ORM1: variants seen among roughly 807,000 people sequenced by gnomAD.
The protein encoded by ORM1 is orosomucoid 1, also known as alpha-1-acid glycoprotein 1.
Under a neutral mutation model 26.9 loss-of-function variants are expected in ORM1, and 13 were observed. The observed-to-expected ratio is 0.48, with a 90% confidence interval of 0.31 to 0.77. The LOEUF is 0.77. Ranked by LOEUF, ORM1 falls within the 30% of genes least tolerant of loss-of-function variation. The probability of loss-of-function intolerance (pLI) is 0.04; values close to 1 mark genes in which losing one functional copy is unlikely to be tolerated. For missense variants in ORM1, 189 were observed against 246.8 expected, an observed-to-expected ratio of 0.77 and a Z score of 1.57; for synonymous variants, 76 against 102.2, an observed-to-expected ratio of 0.74 and a Z score of 1.55.
At chr9:114,324,974 C>T (rs10982155) in intron 4 of ORM1, 75 bp from the exon 5 acceptor site, 108,195 of 1,578,722 alleles carry the variant, frequency 0.069, 165 homozygotes, top group Middle Eastern at 0.1. Flanking sequence ...GGGCTGGCCC[C>T]TAGAACCCCA....
At chr9:114,324,233 A>G (rs1829733203) in intron 3 of ORM1, 145 bp downstream of exon 3, 1 of 818,140 alleles carries the variant, frequency 1.2e-6, no homozygotes, top group Non-Finnish European at 2.0e-6. Context: ...GTGCTCAGAA[A>G]CAACTCTAAG....
chr9:114,324,959 C>G, intron 4 of ORM1, 62 bp downstream of exon 4: 1 of 1,589,636 alleles, frequency 6.3e-7, no homozygotes, highest in Non-Finnish European at 8.6e-7. Context: ...CATTCACCCA[C>G]CCCTGGGCTG....
At chr9:114,323,912 G>C in intron 2 of ORM1, 106 bp from the exon 3 acceptor site, 1 of 1,603,412 alleles carries the variant, frequency 6.2e-7, no homozygotes, top group Non-Finnish European at 8.5e-7. Context: ...GGAACCGGGA[G>C]GGCTGGCTTT....
chr9:114,324,969 G>A, intron 4 of ORM1, 72 bp downstream of exon 4: 1 of 1,588,708 alleles, frequency 6.3e-7, no homozygotes. Context: ...CCCCTGGGCT[G>A]GCCCCTAGAA....
rs1829770288 is a variant in ORM1, at chr9:114,326,381, C to T, written c.*24C>T. On this transcript the variant is annotated 3_prime_UTR_variant, in exon 6 of 6. Coordinates refer to ENST00000259396, the MANE Select transcript of ORM1 (RefSeq NM_000607.4). The stretch of plus-strand genomic sequence containing the variant: ...AGCAGGACACAGCCTTGGATCAGGA[C>T]AGAGACTTGGGGGCCATCCTGCCCC... 3.3e-6 allele frequency: 5 copies of T among 1,521,742 alleles called. No homozygotes were observed. Among genetic ancestry groups the T allele is most frequent in the Non-Finnish European group, 3.6e-6 (4 of 1,123,832 alleles). The allele number at this position is 1,521,742 out of a possible 1,614,324, so 94.3% of individuals were successfully genotyped here.
rs754187834 is a variant in ORM1 at position 114,324,866 on chromosome 9, C to T, written c.405C>T (p.Asn135=). 3.0e-5 allele frequency: 49 copies of T among 1,614,040 alleles called. No individual in the cohort carries two copies. The highest frequency in any genetic ancestry group is 1.8e-4 in the South Asian group (16 of 91,080). Residue 135 remains asparagine, a synonymous_variant, in exon 4 of 6, where the codon AAC becomes AAT. Transcript: ENST00000259396. ...TKTYMLAFDV[N]DEKNWGLSVY... is the part of the protein sequence containing the mutation. ...CCTACATGCTTGCTTTTGACGTGAACGATGAGAAGAACTGGGGGCTGTCTG... is the reference window on the plus strand; with the variant it reads ...CCTACATGCTTGCTTTTGACGTGAATGATGAGAAGAACTGGGGGCTGTCTG...
rs781558175 is a variant in ORM1, at chr9:114,324,062, G to A, written c.302G>A (p.Arg101Gln). ...IYNTTYLNVQRENGTISRYVG... is the reference protein window; with the variant it reads ...IYNTTYLNVQQENGTISRYVG... ...AACACCACCTACCTGAATGTCCAGC[G>A]GGAAAATGGGACCATCTCCAGATAC... is the stretch of plus-strand genomic sequence containing the variant. Residue 101 changes from arginine to glutamine, a missense_variant, in exon 3 of 6, where the codon CGG becomes CAG. By Grantham distance (43) the Arg-to-Gln change is conservative (BLOSUM62 1). Coordinates refer to ENST00000259396, the MANE Select transcript of ORM1 (RefSeq NM_000607.4). 6.2e-6 allele frequency: 10 copies of A among 1,613,900 alleles called. No individual in the cohort carries two copies. Among genetic ancestry groups the A allele is most frequent in the African/African-American group, 5.3e-5 (4 of 74,870 alleles).
In ORM1 at chr9:114,323,140, C is replaced by G. The variant is rs764087894; in HGVS notation, c.7C>G (p.Leu3Val). The change falls in exon 1 of 6, where the codon CTG becomes GTG. Residue 3 changes from leucine (L) to valine (V), a missense_variant. Transcript: ENST00000259396. The stretch of plus-strand genomic sequence containing the variant: ...CGTGCCTCCTGGTCTCAGTATGGCG[C>G]TGTCCTGGGTTCTTACAGTCCTGAG... The part of the protein sequence containing the change: MA[L>V]SWVLTVLSLL... 24 of 1,462,676 alleles carry G rather than the reference C, an allele frequency of 1.6e-5. No homozygotes were observed. The Admixed American group carries it at 3.1e-4, about 19-fold the overall frequency. 90.6% of individuals were successfully genotyped at this position (1,462,676 alleles called of 1,614,324 possible).
Position 114,324,887 on chromosome 9 carries a change from G to C in ORM1, c.426G>C (p.Leu142=). 1 of 1,613,986 alleles carries C rather than the reference G, an allele frequency of 6.2e-7. No homozygotes were observed. The highest frequency in any genetic ancestry group is 8.5e-7 in the Non-Finnish European group (1 of 1,179,844). The part of the protein sequence containing the change: ...FDVNDEKNWG[L]SVYADKPETT... ...TGAACGATGAGAAGAACTGGGGGCT[G>C]TCTGTCTATGGTAGGCATGCTTAGC... Residue 142 remains leucine, a synonymous_variant, in exon 4 of 6, where the codon CTG becomes CTC. Coordinates refer to ENST00000259396, the MANE Select transcript of ORM1 (RefSeq NM_000607.4).
At chr9:114,323,385 T>C in intron 1 of ORM1, 138 bp downstream of exon 1, 1 of 1,516,382 alleles carries the variant, frequency 6.6e-7, no homozygotes. Flanking sequence ...AGGGTGAAAT[T>C]CTCACCAGCC....
chr9:114,323,338 C>A lies in ORM1; in HGVS notation c.114+91C>A, dbSNP rs576319841. ...TTCCCTGCTGGCTGTGGTCGGACCC[C>A]CACTCCCGGCTCTGCCTTTTTCTCT... On this transcript the variant is annotated intron_variant, in intron 1 of 5. Coordinates refer to ENST00000259396, the MANE Select transcript of ORM1 (RefSeq NM_000607.4). 1.4e-5 allele frequency: 22 copies of A among 1,609,664 alleles called. No individual in the cohort carries two copies. The African/African-American group carries it at 2.7e-4, about 20-fold the overall frequency.
Position 114,325,125 on chromosome 9 carries a change from A to G in ORM1, c.513A>G (p.Ser171=), listed in dbSNP as rs1829750327. The G allele has an allele frequency of 1.2e-6, 2 of 1,613,916 alleles. No individual in the cohort carries two copies. The highest frequency in any genetic ancestry group is 2.7e-5 in the African/African-American group (2 of 74,936). The part of the protein sequence containing the change: ...EALDCLRIPK[S]DVVYTDWKKD... ...TCGACTGCTTGCGCATTCCCAAGTC[A>G]GATGTCGTGTACACCGATTGGAAAA... The change falls in exon 5 of 6, where the codon TCA becomes TCG. Residue 171 remains serine (S), a synonymous_variant. Coordinates refer to ENST00000259396, the MANE Select transcript of ORM1 (RefSeq NM_000607.4).
At chr9:114,324,429 G>A (rs1169820706) in intron 3 of ORM1, among the ~76,000 whole-genome samples, 1 of 152,174 alleles carries the variant, frequency 6.6e-6, no homozygotes, top group East Asian at 1.9e-4. Context: ...TTGGAGAGGT[G>A]GTACCTTCAA....
intron 3 of ORM1, 27 bp from the exon 4 acceptor site, chr9:114,324,763 C>T: frequency 6.4e-7 from 1 of 1,573,620 alleles, no homozygotes; most frequent in Non-Finnish European, 8.7e-7. Context: ...CCCATGTTCT[C>T]ACCCAGAGGC....
At chr9:114,323,918 G>C in intron 2 of ORM1, 100 bp from the exon 3 acceptor site, 1 of 1,602,118 alleles carries the variant, frequency 6.2e-7, no homozygotes, top group Non-Finnish European at 8.5e-7. Context: ...GGGAGGGCTG[G>C]CTTTAATCTC....
Position 114,324,821 on chromosome 9 carries a change from G to A in ORM1, c.360G>A (p.Leu120=), listed in dbSNP as rs780090770. 1 of 1,614,078 alleles carries A rather than the reference G, an allele frequency of 6.2e-7. No homozygotes were observed. The highest frequency in any genetic ancestry group is 1.1e-5 in the South Asian group (1 of 91,080). Residue 120 remains leucine (L), a synonymous_variant, in exon 4 of 6, where the codon CTG becomes CTA. Transcript: ENST00000259396. ...VGGQEHFAHL[L]ILRDTKTYML... is the part of the protein sequence containing the mutation. ...GCCAAGAGCATTTCGCTCACTTGCT[G>A]ATCCTCAGGGACACCAAGACCTACA... is the stretch of plus-strand genomic sequence containing the variant.
At position 114,324,833 on chromosome 9, in the gene ORM1, C is replaced by A. The variant is rs781294853; in HGVS notation, c.372C>A (p.Asp124Glu). Residue 124 changes from aspartate to glutamate, a missense_variant, in exon 4 of 6, where the codon GAC (aspartate) becomes GAA (glutamate). Asp to Glu is a conservative substitution (Grantham distance 45). Around this residue, in one of 3 missense-constraint regions of ORM1, gnomAD observed 163 missense variants for 157.7 expected, o/e 1.03. Transcript: ENST00000259396. ...EHFAHLLILR[D>E]TKTYMLAFDV... ...TCGCTCACTTGCTGATCCTCAGGGA[C>A]ACCAAGACCTACATGCTTGCTTTTG... 3 of 1,614,082 alleles carry A rather than the reference C, an allele frequency of 1.9e-6. No homozygotes were observed. The highest frequency in any genetic ancestry group is 1.1e-5 in the South Asian group (1 of 91,084).
chr9:114,324,262 G>C (rs970157037), intron 3 of ORM1, among the ~76,000 whole-genome samples, 174 bp downstream of exon 3: 13 of 152,132 alleles, frequency 8.5e-5, no homozygotes, highest in African/African-American at 1.7e-4. Flanking sequence ...GAGAGAATTA[G>C]AGGAGGAAAA....
Position 114,323,175 on chromosome 9 carries a change from T to C in ORM1, c.42T>C (p.Pro14=). 1.3e-6 allele frequency: 2 copies of C among 1,553,074 alleles called. No individual in the cohort carries two copies. The highest frequency in any genetic ancestry group is 1.7e-6 in the Non-Finnish European group (2 of 1,144,622). ...TTCTTACAGTCCTGAGCCTCCTACC[T>C]CTGCTGGAAGCCCAGATCCCATTGT... is the stretch of plus-strand genomic sequence containing the variant. ...SWVLTVLSLL[P]LLEAQIPLCA... The change falls in exon 1 of 6, where the codon CCT becomes CCC. Residue 14 remains proline, a synonymous_variant. Transcript: ENST00000259396.
Sources: gnomAD v4.1 joint callset for allele counts (sites outside exome capture counted in the v4.1 genomes callset) on GRCh38, gnomAD v4.1.1 for gene constraint, gnomAD v4.1.1 regional missense constraint, MANE v1.5 for transcripts, NCBI Gene and HGNC (gene_info 2026-07-23, HGNC 2026-07-21) for gene names.